The following NOC3L variants were observed in gnomAD, a reference collection of about 807,000 sequenced individuals.
The protein encoded by NOC3L is nucleolar complex protein 3 homolog.
Under a neutral mutation model 102.5 loss-of-function variants are expected in NOC3L, and 85 were observed. The observed-to-expected ratio is 0.83, with a 90% CI of 0.70 to 0.99. The LOEUF (loss-of-function observed/expected upper bound fraction) is 0.99. Ranked by LOEUF, NOC3L falls within the 50% of genes least tolerant of loss-of-function variation. The pLI is 0.00. For missense variants in NOC3L, 878 were observed against 914.9 expected (o/e 0.96, Z 0.52); for synonymous variants, 303 against 309.4 (o/e 0.98, Z 0.22).
In NOC3L at chr10:94,352,352, G is replaced by T; in HGVS notation, c.910C>A (p.Gln304Lys). ...LREFEEGLVS[Q>K]YKFYLENLEQ... is the part of the protein sequence containing the mutation. ...AGATTTTCCAAATAAAACTTGTATT[G>T]GCTAACCAGGCCTTCTTCAAATTCT... Residue 304 changes from glutamine to lysine, a missense_variant, in exon 8 of 21, where the codon CAA becomes AAA. Transcript: ENST00000371361. 1 of 1,613,660 alleles carries T rather than the reference G, an allele frequency of 6.2e-7. No individual in the cohort carries two copies.
chr10:94,350,826 G>A (rs78645799), intron 8 of NOC3L, among the ~76,000 whole-genome samples: 1 of 151,604 alleles, frequency 6.6e-6, no homozygotes, highest in Admixed American at 6.6e-5. Flanking sequence ...AGTCAATTGA[G>A]CATTTGAAAT....
the NOC3L span, chr10:94,325,221 C>G: frequency 1.8e-5 from 14 of 781,596 alleles, no homozygotes; most frequent in African/African-American, 5.1e-5. Flanking sequence ...CCCTTGAAGG[C>G]AGGTAGGAAT....
chr10:94,358,073 G>A lies in NOC3L; in HGVS notation c.350+10C>T. 1 of 1,527,532 alleles carries A rather than the reference G, an allele frequency of 6.5e-7. No individual in the cohort carries two copies. Among genetic ancestry groups the A allele is most frequent in the Non-Finnish European group, 9.1e-7 (1 of 1,102,540 alleles). The allele number at this position is 1,527,532 out of a possible 1,614,324, so 94.6% of individuals were successfully genotyped here. A position where few individuals can be genotyped will look rare whatever the true frequency, so the allele number is the denominator to read the frequency against. On this transcript the variant is annotated intron_variant, in intron 3 of 20. Transcript: ENST00000371361. The stretch of plus-strand genomic sequence containing the variant: ...GGATATGAATGATTATAACCCAAAT[G>A]AAGTATTACCTAGAAGAAAGATCTC...
Position 94,340,472 on chromosome 10 carries a change from G to A in NOC3L, c.1669C>T (p.His557Tyr). ...SGDLSYQESL[H>Y]CVQTAFHILS... ...ATATGAAAAGCAGTCTGGACACAGT[G>A]AAGACTTTCTTGATAGCTTAGGTCC... Residue 557 changes from histidine (H) to tyrosine (Y), a missense_variant, in exon 15 of 21, where the codon CAC (histidine) becomes TAC (tyrosine). Physicochemically the swap from His to Tyr is moderately conservative, Grantham distance 83. Transcript: ENST00000371361. 2.5e-6 allele frequency: 3 copies of A among 1,200,550 alleles called. No homozygotes were observed. The highest frequency in any genetic ancestry group is 3.4e-6 in the Non-Finnish European group (3 of 875,844). The allele number at this position is 1,200,550 out of a possible 1,614,324, so 74.4% of individuals were successfully genotyped here.
intron 6 of NOC3L, among the ~76,000 whole-genome samples, chr10:94,354,099 G>T (rs139885960): frequency 2.0e-5 from 3 of 152,212 alleles, no homozygotes; most frequent in Non-Finnish European, 4.4e-5. Context: ...ATACACATAA[G>T]AAATATTCCA....
At chr10:94,361,211 T>C (rs1446822507) in intron 2 of NOC3L, 3 of 157,572 alleles carry the variant, frequency 1.9e-5, no homozygotes, top group African/African-American at 4.8e-5. Context: ...CCATGACAAT[T>C]ACAACTCAAT....
intron 1 of NOC3L, among the ~76,000 whole-genome samples, chr10:94,362,512 A>G (rs1334362525): frequency 1.3e-5 from 2 of 152,204 alleles, no homozygotes; most frequent in Non-Finnish European, 1.5e-5. Context: ...CGTGACTCAC[A>G]TTATAAACTC....
At position 94,352,761 on chromosome 10, in the gene NOC3L, G is replaced by A. The variant is rs1044581823; in HGVS notation, c.858+135C>T. 35 of 705,092 alleles carry A rather than the reference G, an allele frequency of 5.0e-5. No homozygotes were observed. The African/African-American group carries it at 5.8e-4, about 12-fold the overall frequency. 43.7% of individuals were successfully genotyped at this position (705,092 alleles called of 1,614,324 possible). On this transcript the variant is annotated intron_variant, in intron 7 of 20. Transcript: ENST00000371361. ...CACTTGAACCCGGAAGGCAGAGGTTGCAGTGAGCCAAGATCACGCCACTGC... is the reference window on the plus strand; with the variant it reads ...CACTTGAACCCGGAAGGCAGAGGTTACAGTGAGCCAAGATCACGCCACTGC...
chr10:94,342,151 G>A (rs1206800328), intron 13 of NOC3L, among the ~76,000 whole-genome samples: 2 of 152,128 alleles, frequency 1.3e-5, no homozygotes, highest in African/African-American at 4.8e-5. Context: ...CAGCTTTAAG[G>A]ATAAAATGGA....
At chr10:94,360,781 T>C (rs1327003909) in intron 2 of NOC3L, among the ~76,000 whole-genome samples, 1 of 152,134 alleles carries the variant, frequency 6.6e-6, no homozygotes, top group Non-Finnish European at 1.5e-5. Context: ...TTATGCATTG[T>C]ATGCCTGTAT....
chr10:94,353,609 A>AT (rs2054448764), intron 6 of NOC3L, among the ~76,000 whole-genome samples: 1 of 152,172 alleles, frequency 6.6e-6, no homozygotes, highest in Admixed American at 6.5e-5. Flanking sequence ...ACATTTCAAC[A>AT]TAAGATTTGG....
chr10:94,341,600 CAAT>C (rs2054286044), intron 14 of NOC3L, 70 bp downstream of exon 14: 1 of 757,642 alleles, frequency 1.3e-6, no homozygotes, highest in African/African-American at 1.8e-5. Context: ...AAATATATCT[CAAT>C]AAACCTGAAA....
intron 8 of NOC3L, 57 bp from the exon 9 acceptor site, chr10:94,350,345 GCTTT>G (rs2054400071): frequency 2.7e-6 from 4 of 1,478,624 alleles, no homozygotes; most frequent in East Asian, 2.3e-5. Context: ...AAACTAATTG[GCTTT>G]CTTTTACAAT....
intron 19 of NOC3L, among the ~76,000 whole-genome samples, chr10:94,335,853 T>C (rs1487394435): frequency 6.6e-6 from 1 of 152,082 alleles, no homozygotes; most frequent in Non-Finnish European, 1.5e-5. Flanking sequence ...TACAGCAAAA[T>C]ATTAATTCTG....
At chr10:94,332,138 G>C (rs1057456984), downstream of NOC3L, 1 of 152,202 alleles carries the variant, frequency 6.6e-6, no homozygotes, top group African/African-American at 2.4e-5. Flanking sequence ...CAAAGTGCTG[G>C]GATTACAGGC....
the NOC3L span, among the ~76,000 whole-genome samples, chr10:94,327,624 A>ATAATC: frequency 1.8e-3 from 275 of 152,362 alleles, 1 homozygote; most frequent in Admixed American, 3.3e-3. Context: ...TAAAGTTTCA[A>ATAATC]TAATCTACAG....
Position 94,350,300 on chromosome 10 carries a change from A to G in NOC3L, c.953-12T>C. ...CCTCTGCTTCCAATCTAATCAAAAG[A>G]TAACTGTAGTTACTTTACTCATTGG... On this transcript the variant is annotated splice_polypyrimidine_tract_variant and intron_variant, in intron 8 of 20. Transcript: ENST00000371361. 6.2e-7 allele frequency: 1 copy of G among 1,611,504 alleles called. No homozygotes were observed. The highest frequency in any genetic ancestry group is 1.3e-5 in the African/African-American group (1 of 74,982).
the NOC3L span, chr10:94,322,204 G>C: frequency 1.3e-6 from 1 of 798,472 alleles, no homozygotes; most frequent in Non-Finnish European, 2.1e-6. Flanking sequence ...TTAAGGCTGG[G>C]AAATTGCCTC....
the NOC3L span, among the ~76,000 whole-genome samples, chr10:94,323,700 A>T: frequency 2.6e-5 from 4 of 152,236 alleles, no homozygotes; most frequent in African/African-American, 9.6e-5. Context: ...AACTTAGTTA[A>T]TATTAGCCAT....
Sources: gnomAD v4.1 joint callset for allele counts (sites outside exome capture counted in the v4.1 genomes callset) on GRCh38, gnomAD v4.1.1 for gene constraint, MANE v1.5 for transcripts, NCBI Gene and HGNC (gene_info 2026-07-23, HGNC 2026-07-21) for gene names.